Variants in STPG2 observed in about 807,000 individuals in gnomAD.
STPG2 encodes sperm tail PG-rich repeat containing 2.
A neutral mutation model predicts 54.2 loss-of-function variants in STPG2; 56 were observed. The ratio of observed to expected loss-of-function variants is 1.03; its 90% confidence interval spans 0.83 to 1.29. STPG2 has a LOEUF of 1.29. Ranked by LOEUF, STPG2 falls within the 50% of genes most tolerant of loss-of-function variation. The pLI, the probability that STPG2 is intolerant of heterozygous loss-of-function variation, is 0.00. For missense variants in STPG2, 596 were observed against 544.9 expected, an observed-to-expected ratio of 1.09 and a Z score of -0.93; for synonymous variants, 200 against 181.8, an observed-to-expected ratio of 1.10 and a Z score of -0.81.
At chr4:98,029,507 T>C (rs1383026661) in intron 5 of STPG2, among the ~76,000 whole-genome samples, 1 of 152,204 alleles carries the variant, frequency 6.6e-6, no homozygotes, top group Non-Finnish European at 1.5e-5. Context: ...AGCATTTTTA[T>C]TGATGCTTGC....
chr4:97,536,385 G>T (rs1731531664), intron 4 of STPG2, among the ~76,000 whole-genome samples: 1 of 152,132 alleles, frequency 6.6e-6, no homozygotes, highest in Admixed American at 6.5e-5. Context: ...GTTCCCAAAA[G>T]ATCTGATGGA....
At chr4:97,933,227 A>C (rs1732617869) in intron 8 of STPG2, among the ~76,000 whole-genome samples, 1 of 151,672 alleles carries the variant, frequency 6.6e-6, no homozygotes, top group East Asian at 1.9e-4. Context: ...TTTTTCTTGT[A>C]AATTTGTTTA....
intron 5 of STPG2, among the ~76,000 whole-genome samples, chr4:98,026,787 T>TTC (rs1223033994): frequency 6.6e-6 from 1 of 151,934 alleles, no homozygotes; most frequent in Non-Finnish European, 1.5e-5. Flanking sequence ...TTTCTTGCCC[T>TTC]TCTCTCTCTC....
chr4:97,874,340 G>C (rs1435531066), intron 8 of STPG2, among the ~76,000 whole-genome samples: 1 of 151,564 alleles, frequency 6.6e-6, no homozygotes, highest in East Asian at 1.9e-4. Context: ...TATCTCCCAA[G>C]TAATTTTTTT....
chr4:97,859,329 T>C (rs1729432777), intron 8 of STPG2, among the ~76,000 whole-genome samples: 1 of 152,182 alleles, frequency 6.6e-6, no homozygotes, highest in Non-Finnish European at 1.5e-5. Flanking sequence ...TTTTCAAATA[T>C]TTTCTCTTTT....
chr4:97,929,391 C>T (rs1009107675), intron 8 of STPG2, among the ~76,000 whole-genome samples: 10 of 152,126 alleles, frequency 6.6e-5, no homozygotes, highest in Admixed American at 1.3e-4. Flanking sequence ...GGAATATACC[C>T]AGTAATAAGA....
chr4:97,946,562 T>C (rs1431730776), intron 7 of STPG2, among the ~76,000 whole-genome samples: 1 of 152,194 alleles, frequency 6.6e-6, no homozygotes, highest in Non-Finnish European at 1.5e-5. Flanking sequence ...CTTGAGTTGC[T>C]TTTTATATAA....
intron 4 of STPG2, among the ~76,000 whole-genome samples, chr4:97,512,447 C>G (rs567151129): frequency 6.6e-6 from 1 of 152,142 alleles, no homozygotes; most frequent in East Asian, 1.9e-4. Flanking sequence ...GCATATGTAG[C>G]TTGGAAGCAC....
chr4:98,087,882 C>T (rs1003198654), intron 5 of STPG2, among the ~76,000 whole-genome samples: 13 of 152,084 alleles, frequency 8.5e-5, no homozygotes, highest in Non-Finnish European at 1.8e-4. Flanking sequence ...TTTAATCCAT[C>T]TTGTGTTTGG....
chr4:98,108,242 G>A (rs183607883), intron 4 of STPG2, among the ~76,000 whole-genome samples: 4 of 152,194 alleles, frequency 2.6e-5, no homozygotes, highest in Admixed American at 2.0e-4. Context: ...GATCTGTCTA[G>A]CAAATTAATT....
At chr4:97,638,497 A>G (rs1291299344) in intron 10 of STPG2, among the ~76,000 whole-genome samples, 2 of 152,294 alleles carry the variant, frequency 1.3e-5, no homozygotes, top group Middle Eastern at 3.4e-3. Flanking sequence ...GACAAATGGG[A>G]TCTCATTAAA....
At chr4:97,917,168 C>T (rs1178812534) in intron 8 of STPG2, 1 of 152,560 alleles carries the variant, frequency 6.6e-6, no homozygotes, top group Non-Finnish European at 1.5e-5. Flanking sequence ...GAAGATGGGG[C>T]CTTTCCTAAT....
At chr4:97,595,090 T>G (rs900225566) in intron 10 of STPG2, among the ~76,000 whole-genome samples, 2 of 152,170 alleles carry the variant, frequency 1.3e-5, no homozygotes, top group African/African-American at 4.8e-5. Flanking sequence ...CTCAGCAATC[T>G]CATTACTGGG....
intron 5 of STPG2, among the ~76,000 whole-genome samples, chr4:98,036,556 A>G (rs1736786942): frequency 6.6e-6 from 1 of 152,116 alleles, no homozygotes; most frequent in Non-Finnish European, 1.5e-5. Flanking sequence ...TAACACAAGA[A>G]CAGAAAACCA....
chr4:97,481,774 T>G (rs542682569), intron 4 of STPG2, among the ~76,000 whole-genome samples: 1 of 151,690 alleles, frequency 6.6e-6, no homozygotes, highest in African/African-American at 2.4e-5. Context: ...ACATAGACTT[T>G]TATTTTTGTC....
At chr4:97,980,210 T>C (rs1337601451) in intron 6 of STPG2, among the ~76,000 whole-genome samples, 1 of 152,124 alleles carries the variant, frequency 6.6e-6, no homozygotes, top group South Asian at 2.1e-4. Context: ...TAAAAAATGA[T>C]CCTGGAGTTT....
rs189440656 is a variant in STPG2 at position 97,872,840 on chromosome 4, C to A, written c.1045-31908G>T. On this transcript the variant is annotated intron_variant, in intron 8 of 10. Coordinates refer to ENST00000295268, the MANE Select transcript of STPG2 (RefSeq NM_174952.3). The stretch of plus-strand genomic sequence containing the variant: ...CCCCAGATATAGTCAGTTGGGGGCA[C>A]CTTCAAGCTAATTCTTGTGTCCTTT... Among the ~76,000 whole-genome samples the A allele has an allele frequency of 2.4e-4, 37 of 151,244 alleles. No homozygotes were observed. The East Asian group carries it at 6.8e-3, about 28-fold the overall frequency.
At chr4:98,065,843 A>C (rs1413003515) in intron 5 of STPG2, among the ~76,000 whole-genome samples, 2 of 152,182 alleles carry the variant, frequency 1.3e-5, no homozygotes, top group Non-Finnish European at 2.9e-5. Context: ...CTTTATATTT[A>C]AGATGGACTA....
intron 9 of STPG2, among the ~76,000 whole-genome samples, chr4:97,826,339 G>A (rs905693549): frequency 1.3e-5 from 2 of 152,154 alleles, no homozygotes; most frequent in Admixed American, 1.3e-4. Flanking sequence ...ATTGTTTTAT[G>A]TGAGATAGAA....
Sources: gnomAD v4.1 joint callset for allele counts (sites outside exome capture counted in the v4.1 genomes callset) on GRCh38, gnomAD v4.1.1 for gene constraint, MANE v1.5 for transcripts, NCBI Gene and HGNC (gene_info 2026-07-23, HGNC 2026-07-21) for gene names.